The following WWOX variants were observed in gnomAD, a reference collection of about 807,000 sequenced individuals.
WWOX encodes the protein WW domain containing oxidoreductase, also known as WW domain-containing oxidoreductase.
WWOX carries 69 observed loss-of-function variants against 46.2 expected under a neutral mutation model. The observed-to-expected ratio is 1.49, with a 90% CI of 1.23 to 1.82. The LOEUF is 1.82. Among genes scored for constraint, WWOX ranks in the 40% most tolerant of loss-of-function variants. The pLI, the probability that WWOX is intolerant of heterozygous loss-of-function variation, is 0.00. For synonymous variants in WWOX, 359 were observed against 202.6 expected (o/e 1.77, Z -6.56); for missense variants, 919 against 542.6 (o/e 1.69, Z -6.89).
At chr16:78,834,846 CATG>C (rs1400216560) in intron 8 of WWOX, among the ~76,000 whole-genome samples, 3 of 152,140 alleles carry the variant, frequency 2.0e-5, no homozygotes, top group Non-Finnish European at 4.4e-5. Flanking sequence ...TTTAGTTTTT[CATG>C]ATTGTTCGTA....
chr16:78,768,538 G>T (rs957764997), intron 8 of WWOX, among the ~76,000 whole-genome samples: 2 of 151,628 alleles, frequency 1.3e-5, no homozygotes, highest in East Asian at 3.9e-4. Context: ...TGCAGTGAGC[G>T]GAGACTGCGC....
intron 5 of WWOX, among the ~76,000 whole-genome samples, chr16:78,320,333 G>A (rs560839048): frequency 6.6e-6 from 1 of 152,258 alleles, no homozygotes; most frequent in African/African-American, 2.4e-5. Context: ...GGTGTAGGTT[G>A]TCATACTAAA....
At chr16:79,047,672 A>ACTTTTTTTTTTTT (rs529812201) in intron 8 of WWOX, among the ~76,000 whole-genome samples, 1 of 53,522 alleles carries the variant, frequency 1.9e-5, no homozygotes, top group African/African-American at 7.7e-5. Flanking sequence ...GACTGTCCTG[A>ACTTTTTTTTTTTT]TTTTTTTTTT....
intron 8 of WWOX, among the ~76,000 whole-genome samples, chr16:78,564,090 C>G (rs1567647461): frequency 1.3e-5 from 2 of 152,210 alleles, no homozygotes; most frequent in Non-Finnish European, 2.9e-5. Context: ...CAGCCAAGAG[C>G]CAACCTACAG....
chr16:78,186,367 T>C (rs1244268874), intron 5 of WWOX, among the ~76,000 whole-genome samples: 1 of 152,214 alleles, frequency 6.6e-6, no homozygotes, highest in African/African-American at 2.4e-5. Flanking sequence ...GGTATTTTTG[T>C]CACAAATCCT....
Position 78,368,231 on chromosome 16 carries a change from A to T in WWOX, c.517-18629A>T, listed in dbSNP as rs7199969. ...GAGGTTATGTTCTCAAAAGCCTTCAATTAACATGAGTGGAATGGATTTTCT... is the reference window on the plus strand; with the variant it reads ...GAGGTTATGTTCTCAAAAGCCTTCATTTAACATGAGTGGAATGGATTTTCT... On this transcript the variant is annotated intron_variant, in intron 5 of 8. Coordinates refer to ENST00000566780, the MANE Select transcript of WWOX (RefSeq NM_016373.4). 2.5e-3 allele frequency among the ~76,000 whole-genome samples: 387 copies of T among 152,282 alleles called. 1 individual carries two copies. The highest frequency in any genetic ancestry group is 4.7e-3 in the Non-Finnish European group (317 of 68,020).
At chr16:79,097,515 C>G (rs2049101327) in intron 8 of WWOX, among the ~76,000 whole-genome samples, 1 of 152,164 alleles carries the variant, frequency 6.6e-6, no homozygotes. Context: ...GCAGCGCTAT[C>G]ATATGCTCCA....
intron 8 of WWOX, among the ~76,000 whole-genome samples, chr16:78,694,818 A>G (rs1472313192): frequency 6.8e-6 from 1 of 148,102 alleles, no homozygotes; most frequent in Admixed American, 6.9e-5. Context: ...GAATCACCCC[A>G]CTACTCTTTT....
At chr16:78,580,258 G>C (rs1158331500) in intron 8 of WWOX, among the ~76,000 whole-genome samples, 3 of 151,970 alleles carry the variant, frequency 2.0e-5, no homozygotes, top group South Asian at 4.2e-4. Flanking sequence ...ATTTTTAGTA[G>C]AGATGGGGTC....
intron 8 of WWOX, among the ~76,000 whole-genome samples, chr16:78,495,697 C>T (rs1395592340): frequency 5.9e-5 from 9 of 151,686 alleles, no homozygotes; most frequent in Admixed American, 1.3e-4. Context: ...TTAGTAGAGC[C>T]GGGGTTTCAC....
intron 8 of WWOX, among the ~76,000 whole-genome samples, chr16:78,783,106 G>A (rs192613868): frequency 1.8e-4 from 27 of 152,298 alleles, no homozygotes; most frequent in Non-Finnish European, 1.8e-4. Context: ...GAGCAGCTAT[G>A]ATCAAGTTAT....
At chr16:78,429,600 A>G (rs1048924188) in intron 7 of WWOX, among the ~76,000 whole-genome samples, 1 of 152,086 alleles carries the variant, frequency 6.6e-6, no homozygotes, top group South Asian at 2.1e-4. Context: ...TACTCTCTAA[A>G]TCCTTGTCCC....
At chr16:78,389,612 T>A (rs2082136354) in intron 6 of WWOX, among the ~76,000 whole-genome samples, 1 of 152,202 alleles carries the variant, frequency 6.6e-6, no homozygotes, top group Non-Finnish European at 1.5e-5. Flanking sequence ...TTAATATCTC[T>A]ACTATACAGA....
intron 8 of WWOX, among the ~76,000 whole-genome samples, chr16:79,086,141 T>A (rs1567539962): frequency 6.6e-6 from 1 of 152,122 alleles, no homozygotes; most frequent in Non-Finnish European, 1.5e-5. Flanking sequence ...CTGCTCTCAA[T>A]GTTCTTTAAA....
At chr16:78,402,471 C>T (rs1417674233) in intron 6 of WWOX, among the ~76,000 whole-genome samples, 1 of 151,314 alleles carries the variant, frequency 6.6e-6, no homozygotes, top group Admixed American at 6.6e-5. Context: ...TTGTAAACAT[C>T]ATGGGTGGGG....
Position 78,627,589 on chromosome 16 carries a change from A to G in WWOX, c.1056+194837A>G, listed in dbSNP as rs764395191. On this transcript the variant is annotated intron_variant, in intron 8 of 8. Coordinates refer to ENST00000566780, the MANE Select transcript of WWOX (RefSeq NM_016373.4). The stretch of plus-strand genomic sequence containing the variant: ...AAAATCACAGAGAAAAGGAGAAGAA[A>G]AAGAATAAAGAGGAAAAACTGGACA... Among the ~76,000 whole-genome samples, 60 of 152,336 alleles carry G rather than the reference A, an allele frequency of 3.9e-4. No individual in the cohort carries two copies. In the Middle Eastern group the frequency reaches 0.01, roughly 26 times the overall value.
chr16:78,238,681 G>A (rs2037523389), intron 5 of WWOX, among the ~76,000 whole-genome samples: 1 of 152,054 alleles, frequency 6.6e-6, no homozygotes, highest in African/African-American at 2.4e-5. Flanking sequence ...GTGCAGTGGT[G>A]TGATCTTGGC....
intron 8 of WWOX, among the ~76,000 whole-genome samples, chr16:78,605,668 C>T (rs1405371657): frequency 1.3e-5 from 2 of 152,174 alleles, no homozygotes; most frequent in Non-Finnish European, 2.9e-5. Flanking sequence ...TACAACTCCG[C>T]CTCTCGTGCT....
chr16:78,100,950 C>G (rs147773568), intron 1 of WWOX, among the ~76,000 whole-genome samples: 58 of 152,220 alleles, frequency 3.8e-4, no homozygotes, highest in East Asian at 7.7e-4. Flanking sequence ...TGGAATATCA[C>G]CTGGTTTTGA....
Sources: allele counts gnomAD v4.1 joint callset (sites outside exome capture counted in the v4.1 genomes callset), GRCh38; gene constraint gnomAD v4.1.1; transcripts MANE v1.5; gene names NCBI Gene and HGNC (gene_info 2026-07-23, HGNC 2026-07-21).